The following KLRK1 variants were observed in gnomAD, a reference collection of about 807,000 sequenced individuals.
KLRK1 encodes the protein killer cell lectin like receptor K1.
KLRK1 carries 40 observed loss-of-function variants against 31.3 expected under a neutral mutation model. The observed-to-expected ratio is 1.28, with a 90% CI of 0.99 to 1.67. The LOEUF is 1.67. Among genes scored for constraint, KLRK1 ranks in the 40% most tolerant of loss-of-function variants. The pLI is 0.00. For synonymous variants in KLRK1, 77 were observed against 77.3 expected, an observed-to-expected ratio of 1.00 and a Z score of 0.02; for missense variants, 251 against 260.0, an observed-to-expected ratio of 0.97 and a Z score of 0.24.
intron 7 of KLRK1, among the ~76,000 whole-genome samples, chr12:10,376,244 T>A (rs1862962738): frequency 6.6e-6 from 1 of 152,134 alleles, no homozygotes; most frequent in Non-Finnish European, 1.5e-5. Context: ...GAATAAACAT[T>A]TCTGATCAAA....
chr12:10,374,329 A>G (rs1862920561), intron 7 of KLRK1, among the ~76,000 whole-genome samples: 1 of 146,134 alleles, frequency 6.8e-6, no homozygotes, highest in African/African-American at 2.5e-5. Context: ...GAGATTTTTT[A>G]ATAACTGCTC....
At chr12:10,378,825 C>T (rs1252250037) in intron 5 of KLRK1, 120 bp from the exon 6 acceptor site, 3 of 1,201,802 alleles carry the variant, frequency 2.5e-6, no homozygotes, top group East Asian at 5.0e-5. Flanking sequence ...TAAATTATTA[C>T]AGTCATAACC....
At chr12:10,376,203 G>A (rs1419611056) in intron 7 of KLRK1, among the ~76,000 whole-genome samples, 2 of 152,050 alleles carry the variant, frequency 1.3e-5, no homozygotes, top group African/African-American at 4.8e-5. Context: ...GTATTTCAAA[G>A]GTTATCACAT....
rs756838835 is a variant in KLRK1 at position 10,373,248 on chromosome 12, T to C, written c.534-17A>G. ...ATTGTTAGTCTAGAGGAGAGACAAT[T>C]ACAAATTACATACATGATTTTATTA... On this transcript the variant is annotated splice_polypyrimidine_tract_variant and intron_variant, in intron 7 of 7. Coordinates refer to ENST00000240618, the MANE Select transcript of KLRK1 (RefSeq NM_007360.4). 1.3e-6 allele frequency: 2 copies of C among 1,549,666 alleles called. No individual in the cohort carries two copies. The highest frequency in any genetic ancestry group is 1.7e-6 in the Non-Finnish European group (2 of 1,151,336).
At position 10,379,237 on chromosome 12, in the gene KLRK1, G is replaced by A. The variant is rs866613844; in HGVS notation, c.277+210C>T. 7.1e-3 allele frequency: 469 copies of A among 65,984 alleles called. 1 individual carries two copies. The highest frequency in any genetic ancestry group is 0.018 in the South Asian group (26 of 1,428). 4.1% of individuals were successfully genotyped at this position (65,984 alleles called of 1,614,324 possible). ...CTCAAAAAAAAAAAAAAAAAAAAGA[G>A]AGAGAGAGAGAGAAAGATGATGTCA... is the stretch of plus-strand genomic sequence containing the variant. On this transcript the variant is annotated intron_variant, in intron 5 of 7. Transcript: ENST00000240618.
rs1000706439 is a variant in KLRK1, at chr12:10,372,418, C to T, written c.*696G>A. The T allele has an allele frequency of 1.3e-5, 2 of 152,154 alleles. No individual in the cohort carries two copies. The highest frequency in any genetic ancestry group is 4.8e-5 in the African/African-American group (2 of 41,412). The allele number at this position is 152,154 out of a possible 1,614,324, so 9.4% of individuals were successfully genotyped here. On this transcript the variant is annotated 3_prime_UTR_variant, in exon 8 of 8. Transcript: ENST00000240618. ...CCTTCTTAACTGTGAACCTGTGAAACCAAACAAGTTATGTGCTTCCAAAAT... is the reference window on the plus strand; with the variant it reads ...CCTTCTTAACTGTGAACCTGTGAAATCAAACAAGTTATGTGCTTCCAAAAT...
intron 7 of KLRK1, among the ~76,000 whole-genome samples, chr12:10,375,458 TGAAAG>T (rs1211802227): frequency 3.3e-5 from 5 of 152,186 alleles, no homozygotes; most frequent in Admixed American, 6.5e-5. Context: ...GTATATTTAA[TGAAAG>T]GATACATTTA....
intron 2 of KLRK1, 82 bp downstream of exon 2, chr12:10,388,689 T>A: frequency 6.5e-7 from 1 of 1,535,366 alleles, no homozygotes; most frequent in Non-Finnish European, 9.0e-7. Flanking sequence ...TGCTTGCCTA[T>A]GCCTTATATG....
intron 7 of KLRK1, among the ~76,000 whole-genome samples, chr12:10,373,726 A>T (rs1314283294): frequency 6.8e-6 from 1 of 146,704 alleles, no homozygotes; most frequent in East Asian, 2.0e-4. Context: ...GCATATGTTT[A>T]GGCATTCCAT....
Position 10,372,663 on chromosome 12 carries a change from A to C in KLRK1, c.*451T>G, listed in dbSNP as rs532712009. 4.7e-5 allele frequency: 9 copies of C among 191,648 alleles called. No homozygotes were observed. The South Asian group carries it at 9.1e-4, about 19-fold the overall frequency. The allele number at this position is 191,648 out of a possible 1,614,324, so 11.9% of individuals were successfully genotyped here. ...GGGTGGAGGACCCATTAAAAGTGGC[A>C]GCATGACCCCCACAGGCAGGGAAGG... On this transcript the variant is annotated 3_prime_UTR_variant, in exon 8 of 8. Transcript: ENST00000240618.
At chr12:10,374,397 C>CTTTTTTT (rs35414446) in intron 7 of KLRK1, among the ~76,000 whole-genome samples, 4 of 131,856 alleles carry the variant, frequency 3.0e-5, no homozygotes, top group African/African-American at 1.2e-4. Flanking sequence ...TCCTCTCTCT[C>CTTTTTTT]TTTTTTTTTT....
At chr12:10,386,559 A>G (rs1332866561) in intron 3 of KLRK1, among the ~76,000 whole-genome samples, 1 of 151,986 alleles carries the variant, frequency 6.6e-6, no homozygotes, top group East Asian at 1.9e-4. Flanking sequence ...TACCACTTCT[A>G]TAATGTTTAG....
At position 10,382,417 on chromosome 12, in the gene KLRK1, T is replaced by C. The variant is rs374393488; in HGVS notation, c.149-2625A>G. Among the ~76,000 whole-genome samples, 5 of 152,268 alleles carry C rather than the reference T, an allele frequency of 3.3e-5. No homozygotes were observed. The East Asian group carries it at 7.7e-4, about 24-fold the overall frequency. ...AGCAGACTTCTTAGCAGAAACTTTA[T>C]AGGCCAAGAGGAAGTGGGGTGACAT... is the stretch of plus-strand genomic sequence containing the variant. On this transcript the variant is annotated intron_variant, in intron 3 of 7. Transcript: ENST00000240618.
At position 10,388,893 on chromosome 12, in the gene KLRK1, G is replaced by A; in HGVS notation, c.-65-18C>T. 1 of 1,535,494 alleles carries A rather than the reference G, an allele frequency of 6.5e-7. No individual in the cohort carries two copies. The highest frequency in any genetic ancestry group is 1.8e-5 in the Admixed American group (1 of 56,742). On this transcript the variant is annotated intron_variant, in intron 1 of 7. Transcript: ENST00000240618. ...AAGGATTCCTGAATAAAATAAAACTGGGCATTTGTTTTTTGTTCTCTTTCC... is the reference window on the plus strand; with the variant it reads ...AAGGATTCCTGAATAAAATAAAACTAGGCATTTGTTTTTTGTTCTCTTTCC...
intron 3 of KLRK1, 22 bp from the exon 4 acceptor site, chr12:10,379,814 G>A: frequency 1.9e-6 from 3 of 1,603,738 alleles, no homozygotes; most frequent in Non-Finnish European, 2.6e-6. Context: ...AAAAGACACA[G>A]ATCAGAGAAA....
Position 10,387,021 on chromosome 12 carries a change from A to C in KLRK1, c.41-11T>G. 3 of 1,601,630 alleles carry C rather than the reference A, an allele frequency of 1.9e-6. No homozygotes were observed. Among genetic ancestry groups the C allele is most frequent in the Non-Finnish European group, 2.6e-6 (3 of 1,173,262 alleles). The stretch of plus-strand genomic sequence containing the variant: ...GAAATTCACTCATCTCTAGAGAAAA[A>C]GAATTCAGGCTTATATGAGTCATGG... On this transcript the variant is annotated splice_polypyrimidine_tract_variant and intron_variant, in intron 2 of 7. Transcript: ENST00000240618.
chr12:10,379,814 G>T lies in KLRK1; in HGVS notation c.149-22C>A, dbSNP rs367583023. ...GATGCTGTCAAAGAAAAAAGACACA[G>T]ATCAGAGAAAGAAGCATAAAAGGTT... On this transcript the variant is annotated intron_variant, in intron 3 of 7. Transcript: ENST00000240618. 4.4e-6 allele frequency: 7 copies of T among 1,603,736 alleles called. No homozygotes were observed. In the South Asian group the frequency reaches 7.9e-5, roughly 18 times the overall value.
intron 3 of KLRK1, among the ~76,000 whole-genome samples, chr12:10,380,402 T>C (rs1863053125): frequency 6.6e-6 from 1 of 152,032 alleles, no homozygotes; most frequent in East Asian, 1.9e-4. Flanking sequence ...ATAATAAACA[T>C]AAAGAAGGAG....
At chr12:10,376,795 T>A (rs888284469) in intron 7 of KLRK1, among the ~76,000 whole-genome samples, 1 of 138,006 alleles carries the variant, frequency 7.2e-6, no homozygotes, top group African/African-American at 2.8e-5. Flanking sequence ...CATCATTTAG[T>A]GTGTCTGAAA....
Sources: gnomAD v4.1 joint callset for allele counts (sites outside exome capture counted in the v4.1 genomes callset) on GRCh38, gnomAD v4.1.1 for gene constraint, MANE v1.5 for transcripts, NCBI Gene and HGNC (gene_info 2026-07-23, HGNC 2026-07-21) for gene names.